TAF1: variants seen among roughly 807,000 people sequenced by gnomAD.
TAF1 encodes the protein TATA-box binding protein associated factor 1.
In TAF1, 2 loss-of-function variants were observed where a neutral mutation model predicts 138.5. That is an observed-to-expected ratio of 0.01 (90% CI 0.01 to 0.05). The LOEUF is 0.05. TAF1 is among the 10% of genes least tolerant of loss of function. TAF1 has a pLI of 1.00. For synonymous variants in TAF1, 437 were observed against 503.2 expected, an observed-to-expected ratio of 0.87 and a Z score of 1.76; for missense variants, 709 against 1,478.0, an observed-to-expected ratio of 0.48 and a Z score of 8.53.
chrX:71,498,374 A>G (rs759962951), intron 13 of TAF1, among the ~76,000 whole-genome samples: 77 of 111,918 alleles, frequency 6.9e-4, no homozygotes, highest in African/African-American at 2.4e-3. Context: ...GTACAACTGG[A>G]TATAGAGGAA....
chrX:71,373,167 CT>C (rs1388371317), intron 3 of TAF1, among the ~76,000 whole-genome samples: 1,178 of 90,482 alleles, frequency 0.013, 8 homozygotes, highest in African/African-American at 0.031. Flanking sequence ...TGCCTGGCCA[CT>C]TTTTTTTTTT....
chrX:71,387,175 A>C, intron 14 of TAF1, 86 bp from the exon 15 acceptor site: 1 of 975,877 alleles, frequency 1.0e-6, no homozygotes, highest in Non-Finnish European at 1.4e-6. Context: ...GATGGAGAGC[A>C]ATAAGCTTGG....
rs2033953944 is a variant in TAF1 at position 71,382,410 on chromosome X, A to T, written c.1538-126A>T. Reference sequence around the variant, plus strand: ...TAGAAGTTACCTGGGGGGGGGTGGGATGAAAGGTCTAGTTAAGACCTTCAC... The same window carrying T: ...TAGAAGTTACCTGGGGGGGGGTGGGTTGAAAGGTCTAGTTAAGACCTTCAC... On this transcript the variant is annotated intron_variant, in intron 9 of 37. Coordinates refer to ENST00000423759, the MANE Select transcript of TAF1 (RefSeq NM_004606.5). The T allele has an allele frequency of 6.4e-6, 6 of 941,539 alleles. No homozygotes were observed. In the Admixed American group the frequency reaches 1.7e-4, roughly 26 times the overall value. The allele number at this position is 941,539 out of a possible 1,213,427, so 77.6% of individuals were successfully genotyped here.
intron 13 of TAF1, among the ~76,000 whole-genome samples, chrX:71,483,791 T>TATATATAC (rs2039123091): frequency 1.0e-5 from 1 of 96,755 alleles, no homozygotes; most frequent in African/African-American, 3.9e-5. Flanking sequence ...TATATATATA[T>TATATATAC]ATATATATAT....
intron 18 of TAF1, among the ~76,000 whole-genome samples, chrX:71,391,979 A>G (rs966078181): frequency 3.6e-5 from 4 of 110,764 alleles, no homozygotes; most frequent in Admixed American, 9.7e-5. Flanking sequence ...CCTTGGCTTA[A>G]TTCTTTAAGA....
At chrX:71,443,912 T>C (rs1322698691) in intron 32 of TAF1, among the ~76,000 whole-genome samples, 4 of 111,502 alleles carry the variant, frequency 3.6e-5, no homozygotes, top group South Asian at 3.7e-4. Context: ...GGTTTCACCA[T>C]GTTGGCCAGG....
intron 32 of TAF1, among the ~76,000 whole-genome samples, chrX:71,440,822 TAA>T (rs761675631): frequency 6.3e-5 from 7 of 111,842 alleles, no homozygotes; most frequent in Non-Finnish European, 1.1e-4. Flanking sequence ...CTCTCGGTCT[TAA>T]AATTATTTCC....
At chrX:71,401,292 G>C (rs750881879) in intron 24 of TAF1, among the ~76,000 whole-genome samples, 2 of 111,285 alleles carry the variant, frequency 1.8e-5, no homozygotes, top group Non-Finnish European at 3.8e-5. Context: ...GAACAACATA[G>C]GTTTGAACTG....
chrX:71,437,556 A>G (rs775768944), intron 32 of TAF1, among the ~76,000 whole-genome samples: 2 of 107,979 alleles, frequency 1.9e-5, no homozygotes, highest in South Asian at 8.2e-4. Context: ...TAAAAATACA[A>G]AAATTAGCCG....
chrX:71,465,846 A>G lies in TAF1; in HGVS notation c.*1800A>G, dbSNP rs1372707702. The G allele has an allele frequency of 1.8e-5, 2 of 112,376 alleles. No homozygotes were observed. Among genetic ancestry groups the G allele is most frequent in the African/African-American group, 3.2e-5 (1 of 30,921 alleles). The allele number at this position is 112,376 out of a possible 1,213,427, so 9.3% of individuals were successfully genotyped here. ...GTAAAAGTCTGAAAGGATATATGCT[A>G]ACTGTTCACAATGATAACCCCCCAG... is the stretch of plus-strand genomic sequence containing the variant. On this transcript the variant is annotated 3_prime_UTR_variant, in exon 38 of 38. Coordinates refer to ENST00000423759, the MANE Select transcript of TAF1 (RefSeq NM_004606.5).
At chrX:71,410,971 T>G (rs2035754530) in intron 28 of TAF1, among the ~76,000 whole-genome samples, 1 of 107,728 alleles carries the variant, frequency 9.3e-6, no homozygotes. Context: ...TTAGTAGAGA[T>G]GAGGTTTTGC....
chrX:71,510,685 A>C (rs2039714497), intron 13 of TAF1, among the ~76,000 whole-genome samples: 1 of 112,175 alleles, frequency 8.9e-6, no homozygotes. Flanking sequence ...TTCAGGTAGC[A>C]GTTAAAACAA....
chrX:71,424,046 G>T lies in TAF1; in HGVS notation c.4648G>T (p.Asp1550Tyr). 8.3e-7 allele frequency: 1 copy of T among 1,208,617 alleles called. No individual in the cohort carries two copies. Among genetic ancestry groups the T allele is most frequent in the Non-Finnish European group, 1.1e-6 (1 of 894,140 alleles). ...TTACAAAGTGATTGTCAATCCAATGGATTTAGAGACCATACGTAAGGTGAG... is the reference window on the plus strand; with the variant it reads ...TTACAAAGTGATTGTCAATCCAATGTATTTAGAGACCATACGTAAGGTGAG... ...DYYKVIVNPM[D>Y]LETIRKNISK... Residue 1550 changes from aspartate to tyrosine, a missense_variant, in exon 31 of 38, where the codon GAT (aspartate) becomes TAT (tyrosine). Physicochemically the swap from Asp to Tyr is radical, Grantham distance 160. Coordinates refer to ENST00000423759, the MANE Select transcript of TAF1 (RefSeq NM_004606.5).
chrX:71,439,623 A>G (rs1253440434), intron 32 of TAF1, among the ~76,000 whole-genome samples: 1 of 112,133 alleles, frequency 8.9e-6, no homozygotes, highest in African/African-American at 3.2e-5. Flanking sequence ...CTTAGACAAA[A>G]CGTGTTTACT....
At chrX:71,486,999 T>C (rs1329649676) in intron 13 of TAF1, among the ~76,000 whole-genome samples, 1 of 110,306 alleles carries the variant, frequency 9.1e-6, no homozygotes, top group Non-Finnish European at 1.9e-5. Flanking sequence ...TAGTTTGCTC[T>C]TCTTGGTGGT....
intron 14 of TAF1, among the ~76,000 whole-genome samples, chrX:71,386,371 C>G (rs1203997115): frequency 9.0e-6 from 1 of 111,601 alleles, no homozygotes; most frequent in African/African-American, 3.3e-5. Context: ...TCAAATGTTT[C>G]TGTTCAGCTG....
At position 71,507,892 on chromosome X, in the gene TAF1, G is replaced by A. The variant is rs752907048; in HGVS notation, c.1367-20650G>A. Among the ~76,000 whole-genome samples, 353 of 110,101 alleles carry A rather than the reference G, an allele frequency of 3.2e-3. 2 individuals carry two copies. Among genetic ancestry groups the A allele is most frequent in the Non-Finnish European group, 5.1e-3 (269 of 52,773 alleles). On this transcript the variant is annotated intron_variant and NMD_transcript_variant, in intron 13 of 14. Coordinates refer to the TAF1 transcript ENST00000373775. ...AGGCCGGGCATGGTGGCTCACACCTGAGGCATGAGAATCACGTGAATCTGG... is the reference window on the plus strand; with the variant it reads ...AGGCCGGGCATGGTGGCTCACACCTAAGGCATGAGAATCACGTGAATCTGG...
At chrX:71,394,446 C>T (rs751149153) in intron 22 of TAF1, among the ~76,000 whole-genome samples, 2 of 112,390 alleles carry the variant, frequency 1.8e-5, no homozygotes, top group African/African-American at 6.4e-5. Context: ...GAGATGATGC[C>T]ACTCCACTAA....
intron 18 of TAF1, 31 bp from the exon 19 acceptor site, chrX:71,392,538 A>T (rs755535554): frequency 3.1e-5 from 35 of 1,131,123 alleles, no homozygotes; most frequent in Admixed American, 6.4e-5. Context: ...AATGTTTCCC[A>T]CTGCCCTGAG....
Sources: gnomAD v4.1 joint callset for allele counts (sites outside exome capture counted in the v4.1 genomes callset) on GRCh38, gnomAD v4.1.1 for gene constraint, MANE v1.5 for transcripts, NCBI Gene and HGNC (gene_info 2026-07-23, HGNC 2026-07-21) for gene names.